The following LMTK2 variants were observed in gnomAD, a reference collection of about 807,000 sequenced individuals.
The protein encoded by LMTK2 is lemur tail kinase 2, also known as serine/threonine-protein kinase LMTK2.
In LMTK2, 37 loss-of-function variants were observed where a neutral mutation model predicts 127.5. The ratio of observed to expected loss-of-function variants is 0.29; its 90% CI spans 0.22 to 0.38. The LOEUF (loss-of-function observed/expected upper bound fraction) is 0.38. LMTK2 is among the 10% of genes least tolerant of loss of function. The pLI is 1.00. For synonymous variants in LMTK2, 819 were observed against 810.1 expected (o/e 1.01, Z -0.19); for missense variants, 1,694 against 1,920.3 (o/e 0.88, Z 2.20).
intron 6 of LMTK2, among the ~76,000 whole-genome samples, chr7:98,168,262 C>T (rs2116416324): frequency 6.6e-6 from 1 of 152,254 alleles, no homozygotes. Flanking sequence ...TAGAAAGGCA[C>T]AAGACGAAGA....
Position 98,132,164 on chromosome 7 carries a change from G to A in LMTK2, c.104-5151G>A, listed in dbSNP as rs1408993935. On this transcript the variant is annotated intron_variant, in intron 1 of 13. Coordinates refer to ENST00000297293, the MANE Select transcript of LMTK2 (RefSeq NM_014916.4). ...CAACCACAACGGATGGAAGCCTGTG[G>A]GTGCTTTAAATCCATTAGCTCATGA... Among the ~76,000 whole-genome samples the A allele has an allele frequency of 1.3e-4, 20 of 152,090 alleles. 1 individual carries two copies. The highest frequency in any genetic ancestry group is 1.3e-3 in the Admixed American group (20 of 15,258).
rs775604939 is a variant in LMTK2 at position 98,191,770 on chromosome 7, C to G, written c.1305C>G (p.Ser435Arg). The G allele has an allele frequency of 6.2e-7, 1 of 1,614,182 alleles. No individual in the cohort carries two copies. The highest frequency in any genetic ancestry group is 2.2e-5 in the East Asian group (1 of 44,870). Reference protein sequence around the residue: ...QWNALKPNTNSRDSSNNAAFP... With the variant: ...QWNALKPNTNRRDSSNNAAFP... ...ACGCTCTGAAGCCGAACACAAACAGCAGAGACTCCTCCAACAATGCTGCAT... is the reference window on the plus strand; with the variant it reads ...ACGCTCTGAAGCCGAACACAAACAGGAGAGACTCCTCCAACAATGCTGCAT... Residue 435 changes from serine (S) to arginine (R), a missense_variant, in exon 11 of 14, where the codon AGC becomes AGG. By Grantham distance (110) the Ser-to-Arg change is moderately radical. Around this residue, in one of 8 missense-constraint regions of LMTK2, gnomAD observed 216 missense variants for 266.8 expected, o/e 0.81. Coordinates refer to ENST00000297293, the MANE Select transcript of LMTK2 (RefSeq NM_014916.4).
At chr7:98,133,328 A>T (rs998735030) in intron 1 of LMTK2, among the ~76,000 whole-genome samples, 5 of 152,164 alleles carry the variant, frequency 3.3e-5, no homozygotes, top group Admixed American at 1.3e-4. Context: ...TAACAGCTGC[A>T]GTCAGGAACT....
intron 1 of LMTK2, 99 bp from the exon 2 acceptor site, chr7:98,137,216 C>A (rs1468856303): frequency 8.9e-7 from 1 of 1,120,980 alleles, no homozygotes; most frequent in Non-Finnish European, 1.3e-6. Context: ...TTTATTAACC[C>A]TTACACCCAT....
intron 5 of LMTK2, among the ~76,000 whole-genome samples, chr7:98,156,604 TAAAAA>T (rs1004284586): frequency 6.6e-6 from 1 of 152,162 alleles, no homozygotes; most frequent in Non-Finnish European, 1.5e-5. Context: ...GGCAGTTTCT[TAAAAA>T]AACAAAACAT....
Position 98,107,025 on chromosome 7 carries a change from G to C in LMTK2, c.-153G>C. On this transcript the variant is annotated 5_prime_UTR_variant, in exon 1 of 14. Transcript: ENST00000297293. ...GAGCGGCAGGTGCGGACCGGGAGCCGGACCGAGGTTTGGCAGAAGCAACGT... is the reference window on the plus strand; with the variant it reads ...GAGCGGCAGGTGCGGACCGGGAGCCCGACCGAGGTTTGGCAGAAGCAACGT... The C allele has an allele frequency of 1.9e-6, 1 of 519,718 alleles. No homozygotes were observed. The highest frequency in any genetic ancestry group is 3.2e-5 in the South Asian group (1 of 31,594). The allele number at this position is 519,718 out of a possible 1,614,324, so 32.2% of individuals were successfully genotyped here.
At chr7:98,163,681 G>A (rs919781613) in intron 6 of LMTK2, among the ~76,000 whole-genome samples, 2 of 152,212 alleles carry the variant, frequency 1.3e-5, no homozygotes, top group African/African-American at 4.8e-5. Flanking sequence ...GCATCTACTT[G>A]AAGGGACCGA....
At chr7:98,177,427 G>T (rs1207389899) in intron 7 of LMTK2, among the ~76,000 whole-genome samples, 1 of 152,172 alleles carries the variant, frequency 6.6e-6, no homozygotes, top group Non-Finnish European at 1.5e-5. Flanking sequence ...CATGATTTAT[G>T]GTGGGGAGGC....
chr7:98,126,392 G>C (rs1444595703), intron 1 of LMTK2, among the ~76,000 whole-genome samples: 1 of 152,150 alleles, frequency 6.6e-6, no homozygotes, highest in Non-Finnish European at 1.5e-5. Context: ...TCTCCTTCTG[G>C]GACTAGATGC....
chr7:98,196,099 G>T (rs1056501320), intron 11 of LMTK2, among the ~76,000 whole-genome samples: 2 of 151,616 alleles, frequency 1.3e-5, no homozygotes, highest in African/African-American at 4.8e-5. Context: ...TGAGGCATGA[G>T]AATTGCTTGA....
intron 11 of LMTK2, among the ~76,000 whole-genome samples, chr7:98,200,929 G>T (rs1270580090): frequency 2.0e-5 from 3 of 152,056 alleles, no homozygotes; most frequent in Admixed American, 2.0e-4. Flanking sequence ...GATCTGGAGG[G>T]CCTCCTGTCC....
chr7:98,116,449 C>CGT (rs1226788910), intron 1 of LMTK2, among the ~76,000 whole-genome samples: 2 of 150,778 alleles, frequency 1.3e-5, no homozygotes, highest in Admixed American at 6.6e-5. Context: ...TTTGTGTCCG[C>CGT]GTGTGTGTGT....
At chr7:98,203,910 A>AT (rs778671644) in intron 12 of LMTK2, 34 bp from the exon 13 acceptor site, 3 of 1,610,460 alleles carry the variant, frequency 1.9e-6, no homozygotes. Flanking sequence ...TCACGCAGTG[A>AT]TAAAAAGGGT....
intron 6 of LMTK2, among the ~76,000 whole-genome samples, chr7:98,168,823 C>T (rs950162191): frequency 3.3e-5 from 5 of 151,988 alleles, no homozygotes; most frequent in East Asian, 1.9e-4. Flanking sequence ...AGTTTTCCTT[C>T]GGGAGTTTTT....
chr7:98,164,232 G>T (rs1797058132), intron 6 of LMTK2, among the ~76,000 whole-genome samples: 1 of 152,030 alleles, frequency 6.6e-6, no homozygotes, highest in Non-Finnish European at 1.5e-5. Context: ...TATAGAACTT[G>T]TTGCCATGGC....
At chr7:98,122,071 A>T (rs57170123) in intron 1 of LMTK2, among the ~76,000 whole-genome samples, 1 of 152,266 alleles carries the variant, frequency 6.6e-6, no homozygotes, top group African/African-American at 2.4e-5. Context: ...ATACCATTTA[A>T]TTAAAGGTAA....
At chr7:98,165,222 G>T (rs1248587050) in intron 6 of LMTK2, among the ~76,000 whole-genome samples, 2 of 152,228 alleles carry the variant, frequency 1.3e-5, no homozygotes. Context: ...GAAGCTCTGA[G>T]CATTCTGGGC....
chr7:98,112,907 A>C (rs750362541), intron 1 of LMTK2, among the ~76,000 whole-genome samples: 1 of 152,234 alleles, frequency 6.6e-6, no homozygotes, highest in Non-Finnish European at 1.5e-5. Flanking sequence ...CTCAGGCTGG[A>C]GTGCAATGGC....
rs1303483083 is a variant in LMTK2 at position 98,122,706 on chromosome 7, GTGTGTGTGTGTGTGTGTGTGTATATA to G, written c.104-14607_104-14582del. Among the ~76,000 whole-genome samples the G allele has an allele frequency of 0.01, 31 of 2,966 alleles. No homozygotes were observed. The Non-Finnish European group carries it at 0.11, about 11-fold the overall frequency. The allele number at this position is 2,966 out of a possible 152,430, so 1.9% of individuals were successfully genotyped here. A position where few individuals can be genotyped will look rare whatever the true frequency, so the allele number is the denominator to read the frequency against. On this transcript the variant is annotated intron_variant, in intron 1 of 13. Coordinates refer to ENST00000297293, the MANE Select transcript of LMTK2 (RefSeq NM_014916.4). ...TGTGTGTGTGTGTGTGTGTGTGTGT[GTGTGTGTGTGTGTGTGTGTGTATATA>G]TATAACTGGATCTCACTCTGTCCCC...
Sources: allele counts gnomAD v4.1 joint callset (sites outside exome capture counted in the v4.1 genomes callset), GRCh38; gene constraint gnomAD v4.1.1; regional missense constraint gnomAD v4.1.1; transcripts MANE v1.5; gene names NCBI Gene and HGNC (gene_info 2026-07-23, HGNC 2026-07-21).